The following CMKLR1 variants were observed in gnomAD, a reference collection of about 807,000 sequenced individuals.
The protein encoded by CMKLR1 is chemerin-like receptor 1.
Under a neutral mutation model 8.2 loss-of-function variants are expected in CMKLR1, and 6 were observed. That is an observed-to-expected ratio of 0.73 (90% confidence interval 0.40 to 1.44). The LOEUF (loss-of-function observed/expected upper bound fraction) is 1.44, where lower values mean the gene tolerates loss of function less well. Ranked by LOEUF, CMKLR1 falls within the 40% of genes most tolerant of loss-of-function variation. CMKLR1 has a pLI of 0.02. For synonymous variants in CMKLR1, 178 were observed against 181.2 expected (o/e 0.98, Z 0.14); for missense variants, 429 against 478.0 (o/e 0.90, Z 0.96).
intron 2 of CMKLR1, chr12:108,320,763 A>C (rs905937979): frequency 1.1e-4 from 16 of 151,822 alleles, no homozygotes; most frequent in Admixed American, 9.2e-4. Flanking sequence ...GGCTCCACCC[A>C]CCCTCCTGCT....
At chr12:108,306,056 C>T (rs1227729113) in intron 2 of CMKLR1, among the ~76,000 whole-genome samples, 1 of 152,190 alleles carries the variant, frequency 6.6e-6, no homozygotes, top group African/African-American at 2.4e-5. Context: ...CCTTCCTCTC[C>T]GGGGATCTCT....
intron 2 of CMKLR1, among the ~76,000 whole-genome samples, chr12:108,304,092 G>T (rs1891345769): frequency 6.6e-6 from 1 of 152,212 alleles, no homozygotes. Context: ...CTGGTTGGTT[G>T]ATCGATGACA....
intron 2 of CMKLR1, among the ~76,000 whole-genome samples, chr12:108,296,756 C>T (rs780914397): frequency 4.0e-5 from 6 of 151,652 alleles, no homozygotes; most frequent in Non-Finnish European, 7.4e-5. Flanking sequence ...AACCCAGGAG[C>T]GGAGGTTGCA....
chr12:108,336,755 C>A (rs1253454546), intron 1 of CMKLR1, among the ~76,000 whole-genome samples: 1 of 152,106 alleles, frequency 6.6e-6, no homozygotes, highest in South Asian at 2.1e-4. Context: ...CTAAAGAAAT[C>A]AATAATAATT....
intron 2 of CMKLR1, among the ~76,000 whole-genome samples, chr12:108,306,219 GTGTGCGGGTTGGC>G (rs1400689892): frequency 6.6e-6 from 1 of 152,184 alleles, no homozygotes. Flanking sequence ...CTTGTCAGAG[GTGTGCGGGTTGGC>G]CACAGCCACA....
intron 2 of CMKLR1, among the ~76,000 whole-genome samples, chr12:108,318,314 T>C (rs1052498061): frequency 1.4e-4 from 21 of 152,236 alleles, no homozygotes; most frequent in Non-Finnish European, 2.9e-5. Context: ...TTGCACTGAC[T>C]GTGCTGTGTT....
chr12:108,334,499 C>A (rs955709131), intron 1 of CMKLR1, among the ~76,000 whole-genome samples: 3 of 152,178 alleles, frequency 2.0e-5, no homozygotes, highest in African/African-American at 7.2e-5. Context: ...ACTTCTTCAC[C>A]CCAGGACCTA....
chr12:108,309,775 C>T (rs1891502816), intron 2 of CMKLR1, among the ~76,000 whole-genome samples: 1 of 152,186 alleles, frequency 6.6e-6, no homozygotes, highest in African/African-American at 2.4e-5. Flanking sequence ...CCTATTGTTC[C>T]CTGGGGTAAT....
Position 108,292,203 on chromosome 12 carries a change from T to C in CMKLR1, c.760A>G (p.Lys254Glu). Residue 254 changes from lysine (K) to glutamate (E), a missense_variant, in exon 4 of 4, where the codon AAG (lysine) becomes GAG (glutamate). Physicochemically the swap from Lys to Glu is moderately conservative, Grantham distance 56. Transcript: ENST00000550402. ...VCKLQRNRLA[K>E]TKKPFKIIVT... is the part of the protein sequence containing the mutation. ...ATAATCTTGAAGGGCTTCTTGGTCT[T>C]GGCCAGGCGGTTGCGCTGCAGTTTG... 6.2e-7 allele frequency: 1 copy of C among 1,614,036 alleles called. No homozygotes were observed. The highest frequency in any genetic ancestry group is 8.5e-7 in the Non-Finnish European group (1 of 1,179,964).
At chr12:108,308,595 T>C (rs1891470787) in intron 2 of CMKLR1, among the ~76,000 whole-genome samples, 1 of 152,158 alleles carries the variant, frequency 6.6e-6, no homozygotes, top group African/African-American at 2.4e-5. Context: ...TCCAGGGAGC[T>C]GGGAATGAGG....
At chr12:108,337,427 T>C (rs1039316465) in intron 1 of CMKLR1, among the ~76,000 whole-genome samples, 2 of 152,152 alleles carry the variant, frequency 1.3e-5, no homozygotes, top group Non-Finnish European at 2.9e-5. Flanking sequence ...GACCCTAATA[T>C]ATGCTAGTTC....
intron 2 of CMKLR1, among the ~76,000 whole-genome samples, chr12:108,301,104 T>G (rs1187993085): frequency 1.5e-5 from 2 of 133,304 alleles, no homozygotes; most frequent in Non-Finnish European, 3.1e-5. Flanking sequence ...TGAGACGAAG[T>G]CTCACTCTGT....
chr12:108,337,480 G>C (rs749164255), intron 1 of CMKLR1, among the ~76,000 whole-genome samples: 10 of 152,140 alleles, frequency 6.6e-5, no homozygotes, highest in Non-Finnish European at 1.3e-4. Flanking sequence ...TAATATCCCA[G>C]ATCTGGCCTC....
At chr12:108,305,973 C>G (rs1282149896) in intron 2 of CMKLR1, among the ~76,000 whole-genome samples, 1 of 152,178 alleles carries the variant, frequency 6.6e-6, no homozygotes, top group African/African-American at 2.4e-5. Context: ...GGAGACCCCC[C>G]CACCCAAAAT....
chr12:108,316,861 A>C (rs1260028554), intron 2 of CMKLR1, among the ~76,000 whole-genome samples: 1 of 152,220 alleles, frequency 6.6e-6, no homozygotes, highest in Non-Finnish European at 1.5e-5. Context: ...GTGGGAGCTC[A>C]ATCACAGCTC....
chr12:108,324,677 G>A (rs1891941455), intron 2 of CMKLR1, among the ~76,000 whole-genome samples: 1 of 152,222 alleles, frequency 6.6e-6, no homozygotes, highest in Non-Finnish European at 1.5e-5. Context: ...ATTGTATGCA[G>A]TTTAAAAATA....
intron 1 of CMKLR1, among the ~76,000 whole-genome samples, chr12:108,332,548 A>G (rs1892134397): frequency 6.6e-6 from 1 of 152,170 alleles, no homozygotes; most frequent in Non-Finnish European, 1.5e-5. Flanking sequence ...TCCAGAGACT[A>G]TAAAGCAGGC....
intron 2 of CMKLR1, among the ~76,000 whole-genome samples, chr12:108,313,999 G>A (rs1487340193): frequency 6.6e-6 from 1 of 152,082 alleles, no homozygotes; most frequent in Non-Finnish European, 1.5e-5. Context: ...CCCTTTGCCA[G>A]CCGACCCCCA....
chr12:108,292,168 G>A lies in CMKLR1; in HGVS notation c.795C>T (p.Ile265=). 1 of 1,614,214 alleles carries A rather than the reference G, an allele frequency of 6.2e-7. No homozygotes were observed. The highest frequency in any genetic ancestry group is 1.6e-4 in the Middle Eastern group (1 of 6,062). ...TKKPFKIIVT[I]IITFFLCWCP... is the part of the protein sequence containing the mutation. Reference sequence around the variant, plus strand: ...ACCAGCAGAGGAAGAAGGTAATGATGATGGTCACAATAATCTTGAAGGGCT... The same window carrying A: ...ACCAGCAGAGGAAGAAGGTAATGATAATGGTCACAATAATCTTGAAGGGCT... The change falls in exon 4 of 4, where the codon ATC becomes ATT. Residue 265 remains isoleucine (I), a synonymous_variant. Transcript: ENST00000550402.
Sources: allele counts gnomAD v4.1 joint callset (sites outside exome capture counted in the v4.1 genomes callset), GRCh38; gene constraint gnomAD v4.1.1; transcripts MANE v1.5; gene names NCBI Gene and HGNC (gene_info 2026-07-23, HGNC 2026-07-21).